The following ADAMTSL1 variants were observed in gnomAD, a reference collection of about 807,000 sequenced individuals.
ADAMTSL1 encodes ADAMTS like 1, also known as ADAMTS-like protein 1.
In ADAMTSL1, 126 loss-of-function variants were observed where a neutral mutation model predicts 201.8. That is an observed-to-expected ratio of 0.62 (90% confidence interval 0.54 to 0.72). The LOEUF is 0.72. Ranked by LOEUF, ADAMTSL1 falls within the 30% of genes least tolerant of loss-of-function variation. The pLI, the probability that ADAMTSL1 is intolerant of heterozygous loss-of-function variation, is 0.00. For synonymous variants in ADAMTSL1, 1,121 were observed against 903.4 expected, an observed-to-expected ratio of 1.24 and a Z score of -4.32; for missense variants, 2,679 against 2,277.8, an observed-to-expected ratio of 1.18 and a Z score of -3.59.
intron 13 of ADAMTSL1, among the ~76,000 whole-genome samples, chr9:18,698,820 G>C (rs1385058758): frequency 6.6e-6 from 1 of 152,196 alleles, no homozygotes; most frequent in African/African-American, 2.4e-5. Flanking sequence ...AGTAAGGCCT[G>C]TGTTCTTAGA....
At chr9:18,314,595 G>A (rs141446665) in intron 2 of ADAMTSL1, among the ~76,000 whole-genome samples, 2 of 152,002 alleles carry the variant, frequency 1.3e-5, no homozygotes, top group Admixed American at 6.6e-5. Flanking sequence ...CCCTCCCAGT[G>A]GGTTCATGGT....
intron 23 of ADAMTSL1, among the ~76,000 whole-genome samples, chr9:18,838,895 A>T: frequency 6.6e-6 from 1 of 151,596 alleles, no homozygotes; most frequent in Non-Finnish European, 1.5e-5. Flanking sequence ...AAAAAAAAAA[A>T]ACCTAAAATA....
At chr9:18,546,220 G>C (rs1021024234) in intron 3 of ADAMTSL1, among the ~76,000 whole-genome samples, 34 of 152,130 alleles carry the variant, frequency 2.2e-4, no homozygotes, top group African/African-American at 8.2e-4. Flanking sequence ...ATGGCTGTTG[G>C]AGAGTGTTTA....
intron 2 of ADAMTSL1, among the ~76,000 whole-genome samples, chr9:18,190,592 T>C (rs1828930833): frequency 6.6e-6 from 1 of 152,218 alleles, no homozygotes. Context: ...CATTGATTTC[T>C]CGCACTGAGT....
intron 9 of ADAMTSL1, among the ~76,000 whole-genome samples, chr9:18,663,681 A>G (rs1379037799): frequency 2.0e-5 from 3 of 152,010 alleles, no homozygotes; most frequent in Non-Finnish European, 4.4e-5. Flanking sequence ...AGAAATGACA[A>G]TTTCACTTCC....
At chr9:18,550,988 C>G (rs7041815) in intron 3 of ADAMTSL1, among the ~76,000 whole-genome samples, 1 of 151,712 alleles carries the variant, frequency 6.6e-6, no homozygotes, top group Non-Finnish European at 1.5e-5. Context: ...CAGTAACAGA[C>G]TAGAAATATC....
At chr9:17,995,960 T>A (rs984418200) in intron 1 of ADAMTSL1, among the ~76,000 whole-genome samples, 87 of 151,986 alleles carry the variant, frequency 5.7e-4, no homozygotes, top group African/African-American at 2.1e-3. Context: ...ACAGCTGTTG[T>A]GATGAGGACT....
At chr9:18,740,554 G>T (rs1056155318) in intron 15 of ADAMTSL1, among the ~76,000 whole-genome samples, 1 of 133,810 alleles carries the variant, frequency 7.5e-6, no homozygotes, top group Non-Finnish European at 1.5e-5. Context: ...TCAGCTCATT[G>T]CAGCCTCCAC....
chr9:18,222,848 A>C (rs1429294041), intron 2 of ADAMTSL1, among the ~76,000 whole-genome samples: 2 of 151,738 alleles, frequency 1.3e-5, no homozygotes, highest in East Asian at 1.9e-4. Flanking sequence ...CCAGGTTGAT[A>C]TTTATTTTAT....
chr9:18,719,849 G>A (rs770956998), intron 14 of ADAMTSL1, among the ~76,000 whole-genome samples: 5 of 152,156 alleles, frequency 3.3e-5, no homozygotes, highest in Non-Finnish European at 5.9e-5. Context: ...CACAGCATAC[G>A]TGGGAGGAGA....
At chr9:18,895,804 C>G (rs1829597877) in intron 26 of ADAMTSL1, among the ~76,000 whole-genome samples, 1 of 152,044 alleles carries the variant, frequency 6.6e-6, no homozygotes, top group Non-Finnish European at 1.5e-5. Context: ...TTTCAAATGC[C>G]CAATTTTCAG....
intron 23 of ADAMTSL1, among the ~76,000 whole-genome samples, chr9:18,841,404 A>T (rs889357379): frequency 6.6e-6 from 1 of 152,150 alleles, no homozygotes; most frequent in African/African-American, 2.4e-5. Flanking sequence ...ATCATGGTGG[A>T]TAAGCTTTTT....
chr9:17,950,186 C>T (rs1298407624), intron 1 of ADAMTSL1, among the ~76,000 whole-genome samples: 5 of 151,930 alleles, frequency 3.3e-5, no homozygotes, highest in African/African-American at 9.7e-5. Context: ...GGATTACAGG[C>T]GTGAGCCACT....
At position 18,663,708 on chromosome 9, in the gene ADAMTSL1, T is replaced by C. The variant is rs373289831; in HGVS notation, c.1085+1635T>C. Among the ~76,000 whole-genome samples the C allele has an allele frequency of 1.3e-4, 19 of 149,396 alleles. No homozygotes were observed. The East Asian group carries it at 2.9e-3, about 23-fold the overall frequency. On this transcript the variant is annotated intron_variant, in intron 9 of 28. Transcript: ENST00000380548. ...TTCACTTCCCACAACTTCATAAAGC[T>C]TTTTTCCACAAAGAAAAAAAATGTC...
intron 1 of ADAMTSL1, among the ~76,000 whole-genome samples, chr9:17,980,511 C>T (rs1168741504): frequency 6.6e-6 from 1 of 151,958 alleles, no homozygotes; most frequent in Non-Finnish European, 1.5e-5. Context: ...GACTTCTTTT[C>T]AAATCTTCTG....
At chr9:18,793,981 C>T (rs1330319313) in intron 19 of ADAMTSL1, among the ~76,000 whole-genome samples, 1 of 151,794 alleles carries the variant, frequency 6.6e-6, no homozygotes, top group African/African-American at 2.4e-5. Flanking sequence ...GGGTTTGAAG[C>T]TCACTGTAGG....
chr9:18,373,954 T>C (rs1404239299), intron 2 of ADAMTSL1, among the ~76,000 whole-genome samples: 1 of 152,188 alleles, frequency 6.6e-6, no homozygotes, highest in African/African-American at 2.4e-5. Context: ...AGCCAGCATG[T>C]ATTGGGCAGT....
chr9:18,822,610 A>G (rs147566254), intron 21 of ADAMTSL1, among the ~76,000 whole-genome samples: 1 of 152,240 alleles, frequency 6.6e-6, no homozygotes, highest in African/African-American at 2.4e-5. Context: ...CTCTTTTCTG[A>G]TGTAATGATG....
chr9:18,054,564 G>A (rs1822087110), intron 1 of ADAMTSL1, among the ~76,000 whole-genome samples: 1 of 152,136 alleles, frequency 6.6e-6, no homozygotes, highest in African/African-American at 2.4e-5. Flanking sequence ...TATTAGGCCA[G>A]GTCGACATGT....
Sources: gnomAD v4.1 joint callset for allele counts (sites outside exome capture counted in the v4.1 genomes callset) on GRCh38, gnomAD v4.1.1 for gene constraint, MANE v1.5 for transcripts, NCBI Gene and HGNC (gene_info 2026-07-23, HGNC 2026-07-21) for gene names.